ACTR3C: variants seen among roughly 807,000 people sequenced by gnomAD.
ACTR3C encodes actin-related protein 3C.
Under a neutral mutation model 26.3 loss-of-function variants are expected in ACTR3C, and 18 were observed. That is an observed-to-expected ratio of 0.68 (90% CI 0.47 to 1.01). The LOEUF is 1.01. Among genes scored for constraint, ACTR3C ranks in the 50% least tolerant of loss-of-function variants. The pLI is 0.00. For missense variants in ACTR3C, 184 were observed against 250.7 expected (o/e 0.73, Z 1.80); for synonymous variants, 55 against 94.5 (o/e 0.58, Z 2.42).
chr7:150,286,953 C>A (rs1016507352), intron 4 of ACTR3C, among the ~76,000 whole-genome samples: 2 of 152,138 alleles, frequency 1.3e-5, no homozygotes, highest in Admixed American at 6.5e-5. Flanking sequence ...CTACCGAGTG[C>A]GGCACTGTCT....
the ACTR3C span, among the ~76,000 whole-genome samples, chr7:149,947,013 T>C: frequency 1.3e-5 from 2 of 151,268 alleles, no homozygotes; most frequent in Admixed American, 1.3e-4. Flanking sequence ...TGGTCTGAGC[T>C]GCCCATGCCG....
At chr7:150,038,019 T>A in the ACTR3C span, among the ~76,000 whole-genome samples, 3 of 130,602 alleles carry the variant, frequency 2.3e-5, 1 homozygote, top group Non-Finnish European at 4.9e-5. Context: ...CCCCCCCTGC[T>A]ATGGTGGTCC....
the ACTR3C span, among the ~76,000 whole-genome samples, chr7:150,227,397 G>A: frequency 6.6e-6 from 1 of 150,784 alleles, no homozygotes; most frequent in Non-Finnish European, 1.5e-5. Flanking sequence ...TACAATATTT[G>A]TTTTTTGGTA....
chr7:149,976,264 G>A, the ACTR3C span, among the ~76,000 whole-genome samples: 1 of 152,072 alleles, frequency 6.6e-6, no homozygotes, highest in Non-Finnish European at 1.5e-5. Flanking sequence ...CTATCATTAA[G>A]GAAGACCCCT....
chr7:150,067,081 C>G, the ACTR3C span, among the ~76,000 whole-genome samples: 1 of 152,372 alleles, frequency 6.6e-6, no homozygotes, highest in East Asian at 1.9e-4. Context: ...GACGAAGGGA[C>G]TCTAGACACA....
the ACTR3C span, among the ~76,000 whole-genome samples, chr7:150,060,918 ACT>A: frequency 7.5e-6 from 1 of 132,470 alleles, no homozygotes; most frequent in Non-Finnish European, 1.6e-5. Flanking sequence ...ATGAACCATA[ACT>A]CTGTCTTCTC....
chr7:149,989,911 T>A, the ACTR3C span, among the ~76,000 whole-genome samples: 1 of 152,038 alleles, frequency 6.6e-6, no homozygotes, highest in Non-Finnish European at 1.5e-5. Flanking sequence ...TGTGTGAGGG[T>A]TCCCTTCTCT....
At chr7:150,321,717 G>A (rs1255200355) in intron 1 of ACTR3C, among the ~76,000 whole-genome samples, 1 of 152,138 alleles carries the variant, frequency 6.6e-6, no homozygotes, top group African/African-American at 2.4e-5. Flanking sequence ...TCCAGCCTGG[G>A]CAAGAGAGTG....
chr7:149,917,447 C>A, the ACTR3C span, among the ~76,000 whole-genome samples: 2 of 152,144 alleles, frequency 1.3e-5, no homozygotes, highest in Admixed American at 1.3e-4. Context: ...TATCTTTTGA[C>A]AGCAGTAATA....
At chr7:149,897,827 G>C in the ACTR3C span, among the ~76,000 whole-genome samples, 5 of 152,116 alleles carry the variant, frequency 3.3e-5, no homozygotes, top group African/African-American at 1.2e-4. Flanking sequence ...GCAGTGAGCT[G>C]AGATCATGCC....
At chr7:149,959,499 C>A in the ACTR3C span, among the ~76,000 whole-genome samples, 2 of 152,094 alleles carry the variant, frequency 1.3e-5, no homozygotes, top group African/African-American at 4.8e-5. Context: ...GAGAAGGTGA[C>A]TCAAATGGTC....
chr7:150,222,829 T>C, the ACTR3C span, among the ~76,000 whole-genome samples: 2 of 152,248 alleles, frequency 1.3e-5, no homozygotes, highest in African/African-American at 4.8e-5. Context: ...TTTGACGTAA[T>C]CAGTTATGAT....
At chr7:149,961,151 T>C in the ACTR3C span, among the ~76,000 whole-genome samples, 2 of 149,078 alleles carry the variant, frequency 1.3e-5, no homozygotes, top group Admixed American at 1.3e-4. Flanking sequence ...AGGAAGTGTG[T>C]GCTCAGAATA....
the ACTR3C span, among the ~76,000 whole-genome samples, chr7:150,107,609 A>G: frequency 6.6e-6 from 1 of 151,984 alleles, no homozygotes; most frequent in Non-Finnish European, 1.5e-5. Flanking sequence ...TACTTATGAT[A>G]TTTCATATTT....
chr7:150,210,407 A>G, the ACTR3C span, among the ~76,000 whole-genome samples: 1 of 150,854 alleles, frequency 6.6e-6, no homozygotes, highest in Admixed American at 6.5e-5. Context: ...GCATATGTCC[A>G]TATAAAAACT....
the ACTR3C span, among the ~76,000 whole-genome samples, chr7:150,204,923 A>C: frequency 6.6e-6 from 1 of 152,276 alleles, no homozygotes; most frequent in East Asian, 1.9e-4. Context: ...ACATAGCAGG[A>C]AGGGGGCCAA....
At chr7:150,039,128 C>G in the ACTR3C span, among the ~76,000 whole-genome samples, 2 of 149,928 alleles carry the variant, frequency 1.3e-5, no homozygotes, top group African/African-American at 4.9e-5. Context: ...ATCTTAGGAT[C>G]AACGATCGGG....
At chr7:149,969,217 T>C in the ACTR3C span, among the ~76,000 whole-genome samples, 1 of 149,250 alleles carries the variant, frequency 6.7e-6, no homozygotes, top group Non-Finnish European at 1.5e-5. Context: ...CTGGCCAACA[T>C]TGGGAAACAA....
At chr7:149,898,583 A>C in the ACTR3C span, among the ~76,000 whole-genome samples, 4 of 147,830 alleles carry the variant, frequency 2.7e-5, no homozygotes, top group African/African-American at 9.7e-5. Flanking sequence ...GCGCACCTGT[A>C]GTCCCAGCTA....
Sources: allele counts gnomAD v4.1 joint callset (sites outside exome capture counted in the v4.1 genomes callset), GRCh38; gene constraint gnomAD v4.1.1; transcripts MANE v1.5; gene names NCBI Gene and HGNC (gene_info 2026-07-23, HGNC 2026-07-21).